PTPRK: variants seen among roughly 807,000 people sequenced by gnomAD.
PTPRK encodes receptor-type tyrosine-protein phosphatase kappa.
PTPRK carries 75 observed loss-of-function variants against 178.0 expected under a neutral mutation model. The ratio of observed to expected loss-of-function variants is 0.42; its 90% CI spans 0.35 to 0.51. The LOEUF (loss-of-function observed/expected upper bound fraction) is 0.51. PTPRK is among the 20% of genes least tolerant of loss of function. The pLI is 0.02. For missense variants in PTPRK, 1,441 were observed against 1,797.8 expected (o/e 0.80, Z 3.59); for synonymous variants, 637 against 620.6 (o/e 1.03, Z -0.39).
At chr6:128,043,120 G>A (rs1165151118) in intron 13 of PTPRK, among the ~76,000 whole-genome samples, 11 of 152,048 alleles carry the variant, frequency 7.2e-5, no homozygotes, top group African/African-American at 2.4e-4. Context: ...GATGCTATCA[G>A]TATACTCTAT....
chr6:128,026,593 T>C (rs962015362), intron 13 of PTPRK, among the ~76,000 whole-genome samples: 1 of 152,180 alleles, frequency 6.6e-6, no homozygotes, highest in Admixed American at 6.5e-5. Flanking sequence ...ATTTGACACA[T>C]AGCAGGAACT....
chr6:128,063,092 C>T (rs1781143173), intron 13 of PTPRK, among the ~76,000 whole-genome samples: 1 of 152,118 alleles, frequency 6.6e-6, no homozygotes, highest in Non-Finnish European at 1.5e-5. Context: ...CTAAGGGACA[C>T]AGTCAATATT....
intron 7 of PTPRK, among the ~76,000 whole-genome samples, chr6:128,099,683 AT>A (rs1788472033): frequency 6.6e-6 from 1 of 152,106 alleles, no homozygotes; most frequent in Non-Finnish European, 1.5e-5. Context: ...ATTTTATAAA[AT>A]GTAAGTGTCT....
chr6:128,148,849 G>A (rs1796864556), intron 7 of PTPRK, among the ~76,000 whole-genome samples: 1 of 152,080 alleles, frequency 6.6e-6, no homozygotes, highest in African/African-American at 2.4e-5. Context: ...AAACACTAGT[G>A]TATAGAAAAT....
chr6:128,002,508 A>T (rs1178168405), intron 15 of PTPRK, among the ~76,000 whole-genome samples: 1 of 151,958 alleles, frequency 6.6e-6, no homozygotes, highest in African/African-American at 2.4e-5. Flanking sequence ...AACCCATTCC[A>T]TTCTTAAATA....
chr6:128,208,497 TAC>T (rs1807398790), intron 6 of PTPRK, among the ~76,000 whole-genome samples: 1 of 152,042 alleles, frequency 6.6e-6, no homozygotes, highest in Non-Finnish European at 1.5e-5. Flanking sequence ...ACAACCAAAA[TAC>T]AGTCAGGAAT....
At chr6:128,226,713 A>C (rs1397661138) in intron 5 of PTPRK, among the ~76,000 whole-genome samples, 2 of 147,938 alleles carry the variant, frequency 1.4e-5, no homozygotes, top group Non-Finnish European at 3.0e-5. Flanking sequence ...AAATCTCTTC[A>C]ATTTTGTAAA....
chr6:128,300,346 A>C (rs932893917), intron 3 of PTPRK, among the ~76,000 whole-genome samples: 1 of 152,108 alleles, frequency 6.6e-6, no homozygotes, highest in Non-Finnish European at 1.5e-5. Flanking sequence ...TAGAAATACC[A>C]TTTGACCCAG....
chr6:128,447,507 T>A (rs1847181477), intron 1 of PTPRK, among the ~76,000 whole-genome samples: 3 of 152,148 alleles, frequency 2.0e-5, no homozygotes, highest in Admixed American at 2.0e-4. Flanking sequence ...CACTAAATAA[T>A]TAGTGGTCAG....
At chr6:128,462,696 C>T (rs1476187533) in intron 1 of PTPRK, among the ~76,000 whole-genome samples, 2 of 151,452 alleles carry the variant, frequency 1.3e-5, no homozygotes, top group Non-Finnish European at 2.9e-5. Flanking sequence ...GCTCTTGTTG[C>T]CCAGGCTGGA....
rs954287120 is a variant in PTPRK at position 128,174,921 on chromosome 6, C to T, written c.1162+9511G>A. 3.3e-5 allele frequency among the ~76,000 whole-genome samples: 5 copies of T among 151,846 alleles called. No individual in the cohort carries two copies. In the East Asian group the frequency reaches 9.7e-4, roughly 29 times the overall value. On this transcript the variant is annotated intron_variant, in intron 7 of 29. Coordinates refer to ENST00000368226, the MANE Select transcript of PTPRK (RefSeq NM_002844.4). ...ATGTCTACCTTCTAACCATTCTGGG[C>T]AGCTCAACACAGAAATGCATTCAGG...
chr6:128,495,641 T>C (rs1282827953), intron 1 of PTPRK, among the ~76,000 whole-genome samples: 2 of 152,200 alleles, frequency 1.3e-5, no homozygotes, highest in African/African-American at 2.4e-5. Flanking sequence ...AATGTCCTCC[T>C]AACTGGTCTC....
At chr6:128,178,968 C>T (rs1005323594) in intron 7 of PTPRK, among the ~76,000 whole-genome samples, 1 of 151,900 alleles carries the variant, frequency 6.6e-6, no homozygotes, top group African/African-American at 2.4e-5. Context: ...TAGGTGTTGA[C>T]TACCTATACA....
intron 2 of PTPRK, among the ~76,000 whole-genome samples, chr6:128,385,078 AAT>A (rs1838503611): frequency 6.8e-6 from 1 of 147,956 alleles, no homozygotes; most frequent in South Asian, 2.1e-4. Flanking sequence ...TTACTATATT[AAT>A]ATAATTAATA....
At chr6:128,218,517 A>T (rs1809768521) in intron 6 of PTPRK, among the ~76,000 whole-genome samples, 1 of 152,224 alleles carries the variant, frequency 6.6e-6, no homozygotes, top group Non-Finnish European at 1.5e-5. Context: ...AATTTGTAGG[A>T]CTATATGGAA....
intron 7 of PTPRK, among the ~76,000 whole-genome samples, chr6:128,154,995 T>C (rs1344079355): frequency 1.3e-5 from 2 of 151,810 alleles, no homozygotes; most frequent in Non-Finnish European, 3.0e-5. Flanking sequence ...AATCTGTAAG[T>C]CCTTTCTCTC....
intron 1 of PTPRK, among the ~76,000 whole-genome samples, chr6:128,474,201 C>G (rs943597961): frequency 1.3e-5 from 2 of 151,822 alleles, no homozygotes; most frequent in Admixed American, 1.3e-4. Flanking sequence ...AACAAACAAA[C>G]AAACCCTGAA....
At chr6:128,103,667 CT>C (rs545863361) in intron 7 of PTPRK, among the ~76,000 whole-genome samples, 5 of 152,292 alleles carry the variant, frequency 3.3e-5, no homozygotes, top group East Asian at 3.9e-4. Context: ...TCAGACAATT[CT>C]TTTTTTCCCC....
At chr6:128,491,804 G>A (rs939742961) in intron 1 of PTPRK, 13 of 518,038 alleles carry the variant, frequency 2.5e-5, no homozygotes, top group African/African-American at 9.6e-5. Flanking sequence ...ATGGCAGACA[G>A]CAGCAGAACA....
Sources: gnomAD v4.1 joint callset for allele counts (sites outside exome capture counted in the v4.1 genomes callset) on GRCh38, gnomAD v4.1.1 for gene constraint, MANE v1.5 for transcripts, NCBI Gene and HGNC (gene_info 2026-07-23, HGNC 2026-07-21) for gene names.